The following AMZ1 variants were observed in gnomAD, a reference collection of about 807,000 sequenced individuals.
The protein encoded by AMZ1 is archaemetzincin-1.
A neutral mutation model predicts 29.9 loss-of-function variants in AMZ1; 39 were observed. That is an observed-to-expected ratio of 1.30 (90% CI 1.01 to 1.70). AMZ1 has a LOEUF of 1.70. Among genes scored for constraint, AMZ1 ranks in the 40% most tolerant of loss-of-function variants. AMZ1 has a pLI of 0.00. For synonymous variants in AMZ1, 458 were observed against 304.0 expected (o/e 1.51, Z -5.27); for missense variants, 1,041 against 680.6 (o/e 1.53, Z -5.89).
intron 4 of AMZ1, among the ~76,000 whole-genome samples, chr7:2,740,711 A>G (rs146029050): frequency 5.9e-5 from 9 of 152,166 alleles, no homozygotes; most frequent in South Asian, 4.1e-4. Flanking sequence ...CAGTTTCATA[A>G]GATGTTTAAT....
In AMZ1 at chr7:2,718,875, G is replaced by A. The variant is rs1209074379; in HGVS notation, c.*5997G>A. On this transcript the variant is annotated 3_prime_UTR_variant, in exon 7 of 7. Transcript: ENST00000683327. Reference sequence around the variant, plus strand: ...TCACAGAAACCACGGGAAACGGAGTGGGTTGGAAGAGGCAGAGAACACGCT... The same window carrying A: ...TCACAGAAACCACGGGAAACGGAGTAGGTTGGAAGAGGCAGAGAACACGCT... 6.6e-6 allele frequency among the ~76,000 whole-genome samples: 1 copy of A among 152,198 alleles called. No homozygotes were observed. Among genetic ancestry groups the A allele is most frequent in the Non-Finnish European group, 1.5e-5 (1 of 68,034 alleles).
rs1039819279 is a variant in AMZ1 at position 2,719,435 on chromosome 7, A to G, written c.*6557A>G. Reference sequence around the variant, plus strand: ...CCCAGAGCATCCCTTGGCCCGACGCACAAGTCCCACAATAGCCTCTCCCAA... The same window carrying G: ...CCCAGAGCATCCCTTGGCCCGACGCGCAAGTCCCACAATAGCCTCTCCCAA... On this transcript the variant is annotated 3_prime_UTR_variant, in exon 7 of 7. Transcript: ENST00000683327. Among the ~76,000 whole-genome samples, 1 of 152,212 alleles carries G rather than the reference A, an allele frequency of 6.6e-6. No homozygotes were observed. Among genetic ancestry groups the G allele is most frequent in the East Asian group, 1.9e-4 (1 of 5,194 alleles).
intron 3 of AMZ1, among the ~76,000 whole-genome samples, chr7:2,705,378 C>T (rs1007652418): frequency 7.9e-5 from 12 of 152,150 alleles, no homozygotes; most frequent in South Asian, 2.1e-4. Flanking sequence ...AGGTCTCTGC[C>T]TTGGTTATTG....
chr7:2,742,662 A>C (rs1158100750), intron 4 of AMZ1, among the ~76,000 whole-genome samples: 1 of 152,200 alleles, frequency 6.6e-6, no homozygotes, highest in East Asian at 1.9e-4. Flanking sequence ...CTGTCCCCGC[A>C]AACACCTGCA....
chr7:2,709,947 A>C (rs773402099), intron 6 of AMZ1, 131 bp downstream of exon 6: 8 of 1,293,968 alleles, frequency 6.2e-6, no homozygotes, highest in Non-Finnish European at 8.6e-6. Flanking sequence ...CAGGCAGTGC[A>C]GAGCCCTGGG....
intron 4 of AMZ1, among the ~76,000 whole-genome samples, chr7:2,740,353 C>A (rs1214489726): frequency 3.3e-5 from 5 of 152,066 alleles, no homozygotes; most frequent in Non-Finnish European, 7.4e-5. Context: ...TACGATAGTG[C>A]CTTCATAAGA....
chr7:2,688,998 G>A (rs900106149), intron 1 of AMZ1, among the ~76,000 whole-genome samples: 5 of 152,218 alleles, frequency 3.3e-5, no homozygotes, highest in Middle Eastern at 6.3e-3. Context: ...CGCAGGTGAG[G>A]AGAGAGAACA....
downstream of AMZ1, among the ~76,000 whole-genome samples, chr7:2,722,692 C>T (rs576754165): frequency 1.3e-5 from 2 of 152,372 alleles, no homozygotes; most frequent in South Asian, 4.1e-4. Context: ...AGAACCCAGA[C>T]TGGGTGCAGC....
chr7:2,687,123 T>G (rs1396148595), upstream of AMZ1, among the ~76,000 whole-genome samples: 1 of 151,958 alleles, frequency 6.6e-6, no homozygotes, highest in Non-Finnish European at 1.5e-5. Context: ...GGTCAAGAGT[T>G]TGATACCAGC....
intron 4 of AMZ1, among the ~76,000 whole-genome samples, chr7:2,745,529 T>C (rs138754602): frequency 2.6e-5 from 4 of 152,050 alleles, no homozygotes; most frequent in Admixed American, 6.6e-5. Flanking sequence ...GTGCTAAACA[T>C]GGAAAGGAGC....
intron 4 of AMZ1, among the ~76,000 whole-genome samples, chr7:2,737,293 T>TG (rs1790253885): frequency 2.6e-5 from 3 of 114,886 alleles, no homozygotes; most frequent in African/African-American, 6.8e-5. Context: ...TTTTTTGTTT[T>TG]TTTTTTTTTT....
downstream of AMZ1, among the ~76,000 whole-genome samples, chr7:2,721,702 C>T (rs1053552875): frequency 9.0e-5 from 13 of 143,758 alleles, no homozygotes; most frequent in African/African-American, 3.1e-4. Flanking sequence ...GGCAACAGAG[C>T]GAGACTACGT....
At chr7:2,683,419 T>G (rs1055710955), upstream of AMZ1, among the ~76,000 whole-genome samples, 12 of 151,868 alleles carry the variant, frequency 7.9e-5, no homozygotes, top group African/African-American at 2.4e-4. Flanking sequence ...CTTTCTGTTT[T>G]TTTGTTTGTT....
chr7:2,699,044 C>T (rs1340276862), intron 1 of AMZ1, among the ~76,000 whole-genome samples: 1 of 152,138 alleles, frequency 6.6e-6, no homozygotes, highest in East Asian at 1.9e-4. Flanking sequence ...TCCTTAGCTG[C>T]ACCTGCCTTG....
chr7:2,744,032 TGGGTGGAGCCCACCACA>T (rs1416404088), intron 4 of AMZ1, among the ~76,000 whole-genome samples: 2 of 152,206 alleles, frequency 1.3e-5, no homozygotes, highest in Non-Finnish European at 2.9e-5. Flanking sequence ...AAGCTCAAAC[TGGGTGGAGCCCACCACA>T]GCTCAAGGAG....
chr7:2,722,904 G>A (rs924374715), downstream of AMZ1, among the ~76,000 whole-genome samples: 2 of 152,122 alleles, frequency 1.3e-5, no homozygotes, highest in Admixed American at 6.5e-5. Context: ...CTTGAGCCCA[G>A]GAGTTTTGAG....
At chr7:2,686,643 T>C (rs1450235068), upstream of AMZ1, among the ~76,000 whole-genome samples, 1 of 152,114 alleles carries the variant, frequency 6.6e-6, no homozygotes, top group Non-Finnish European at 1.5e-5. Context: ...TATGGGGTCT[T>C]CTTTTTGTTT....
intron 6 of AMZ1, among the ~76,000 whole-genome samples, chr7:2,711,849 G>A (rs1027861929): frequency 6.6e-6 from 1 of 152,146 alleles, no homozygotes; most frequent in Non-Finnish European, 1.5e-5. Context: ...TTTGAGACCA[G>A]CCTGGCTAAC....
At position 2,716,745 on chromosome 7, in the gene AMZ1, G is replaced by C. The variant is rs1355695748; in HGVS notation, c.*3867G>C. ...CTGGACAGGCAAGTCTTCCCTAGTGGGTCAGTCAACTCCACCGCTTAAGGG... is the reference window on the plus strand; with the variant it reads ...CTGGACAGGCAAGTCTTCCCTAGTGCGTCAGTCAACTCCACCGCTTAAGGG... On this transcript the variant is annotated 3_prime_UTR_variant, in exon 7 of 7. Coordinates refer to ENST00000683327, the MANE Select transcript of AMZ1 (RefSeq NM_001384743.1). Among the ~76,000 whole-genome samples the C allele has an allele frequency of 6.6e-6, 1 of 152,148 alleles. No homozygotes were observed. The highest frequency in any genetic ancestry group is 1.5e-5 in the Non-Finnish European group (1 of 68,032).
Sources: allele counts gnomAD v4.1 joint callset (sites outside exome capture counted in the v4.1 genomes callset), GRCh38; gene constraint gnomAD v4.1.1; transcripts MANE v1.5; gene names NCBI Gene and HGNC (gene_info 2026-07-23, HGNC 2026-07-21).